CTNND2: variants seen among roughly 807,000 people sequenced by gnomAD.
CTNND2 encodes the protein catenin delta-2.
In CTNND2, 22 loss-of-function variants were observed where a neutral mutation model predicts 144.4. The ratio of observed to expected loss-of-function variants is 0.15; its 90% CI spans 0.11 to 0.22. CTNND2 has a LOEUF of 0.22. Ranked by LOEUF, CTNND2 falls within the 10% of genes least tolerant of loss-of-function variation. The pLI is 1.00. For synonymous variants in CTNND2, 751 were observed against 695.6 expected (o/e 1.08, Z -1.25); for missense variants, 1,353 against 1,618.8 (o/e 0.84, Z 2.82).
At chr5:11,081,652 C>CTTTA (rs1263408193) in intron 16 of CTNND2, among the ~76,000 whole-genome samples, 7 of 152,116 alleles carry the variant, frequency 4.6e-5, no homozygotes, top group Non-Finnish European at 8.8e-5. Context: ...ACTTTGTGTC[C>CTTTA]CATGAATGTC....
chr5:11,370,858 G>C (rs1435888682), intron 7 of CTNND2, among the ~76,000 whole-genome samples: 4 of 152,238 alleles, frequency 2.6e-5, no homozygotes, highest in Non-Finnish European at 5.9e-5. Context: ...TAATGTGTTT[G>C]TGAACAGTTC....
intron 11 of CTNND2, among the ~76,000 whole-genome samples, chr5:11,192,018 A>G (rs35081177): frequency 0.23 from 35,190 of 152,096 alleles, 5,057 homozygotes; most frequent in Non-Finnish European, 0.32. Context: ...TCTAATCCTG[A>G]TAACAAGTCC....
At chr5:11,326,652 A>T (rs56825733) in intron 9 of CTNND2, among the ~76,000 whole-genome samples, 10,217 of 152,196 alleles carry the variant, frequency 0.067, 480 homozygotes, top group African/African-American at 0.13. Flanking sequence ...GTGCCTCCAC[A>T]TCCTCATCCC....
rs148808565 is a variant in CTNND2 at position 11,463,178 on chromosome 5, T to C, written c.288-51109A>G. ...AAATAATAAGCCTACTTTTGGTATATGATACACTCTTAACACTATTCCTCA... is the reference window on the plus strand; with the variant it reads ...AAATAATAAGCCTACTTTTGGTATACGATACACTCTTAACACTATTCCTCA... On this transcript the variant is annotated intron_variant, in intron 3 of 21. Transcript: ENST00000304623. Among the ~76,000 whole-genome samples the C allele has an allele frequency of 1.0e-3, 159 of 152,350 alleles. 1 individual carries two copies. The highest frequency in any genetic ancestry group is 3.8e-3 in the African/African-American group (156 of 41,578).
At chr5:11,236,191 C>A (rs1741617198) in intron 10 of CTNND2, among the ~76,000 whole-genome samples, 1 of 152,166 alleles carries the variant, frequency 6.6e-6, no homozygotes, top group African/African-American at 2.4e-5. Context: ...ATCCATTATT[C>A]GTTTGTAAAT....
At chr5:11,600,327 T>C (rs545393329) in intron 2 of CTNND2, among the ~76,000 whole-genome samples, 31 of 152,328 alleles carry the variant, frequency 2.0e-4, no homozygotes, top group South Asian at 1.0e-3. Flanking sequence ...TTTTGTATTA[T>C]ATGTATCAAC....
chr5:11,685,603 T>C (rs1784612138), intron 2 of CTNND2, among the ~76,000 whole-genome samples: 4 of 152,186 alleles, frequency 2.6e-5, no homozygotes, highest in South Asian at 4.1e-4. Context: ...CCTTTTACTC[T>C]CTTAATATGG....
intron 1 of CTNND2, among the ~76,000 whole-genome samples, chr5:11,808,293 G>T (rs536552387): frequency 6.6e-6 from 1 of 152,196 alleles, no homozygotes; most frequent in Non-Finnish European, 1.5e-5. Flanking sequence ...GATGACGGTC[G>T]AGGAGCTGAG....
chr5:11,271,286 C>CA (rs1470496324), intron 9 of CTNND2, among the ~76,000 whole-genome samples: 1 of 152,102 alleles, frequency 6.6e-6, no homozygotes, highest in Non-Finnish European at 1.5e-5. Flanking sequence ...AAATGACTAT[C>CA]AAACATATGT....
intron 2 of CTNND2, among the ~76,000 whole-genome samples, chr5:11,709,953 T>C (rs1040401937): frequency 6.6e-6 from 1 of 152,158 alleles, no homozygotes; most frequent in Non-Finnish European, 1.5e-5. Context: ...GAAAAATGCC[T>C]TTGGTGTTCC....
At chr5:11,679,577 TAG>T (rs1330223823) in intron 2 of CTNND2, among the ~76,000 whole-genome samples, 1 of 152,214 alleles carries the variant, frequency 6.6e-6, no homozygotes, top group Non-Finnish European at 1.5e-5. Flanking sequence ...CTCAAAGCTT[TAG>T]AGTTAGTCTT....
intron 9 of CTNND2, among the ~76,000 whole-genome samples, chr5:11,238,781 T>C (rs1236141144): frequency 6.6e-6 from 1 of 152,098 alleles, no homozygotes; most frequent in Admixed American, 6.5e-5. Flanking sequence ...CAGAAAGACA[T>C]ACAGTATAAT....
intron 1 of CTNND2, among the ~76,000 whole-genome samples, chr5:11,748,471 C>G (rs1004304361): frequency 6.6e-6 from 1 of 152,028 alleles, no homozygotes; most frequent in African/African-American, 2.4e-5. Context: ...TGATCAACAA[C>G]TAATTTTAAA....
chr5:11,481,685 G>C (rs1192720169), intron 3 of CTNND2, among the ~76,000 whole-genome samples: 3 of 152,008 alleles, frequency 2.0e-5, no homozygotes, highest in African/African-American at 7.3e-5. Context: ...GAGACAGAGA[G>C]AGAGAGAGAA....
At chr5:11,148,454 T>C (rs1450091315) in intron 12 of CTNND2, among the ~76,000 whole-genome samples, 1 of 152,216 alleles carries the variant, frequency 6.6e-6, no homozygotes, top group Non-Finnish European at 1.5e-5. Flanking sequence ...CTGCTGCTAG[T>C]TCGATCTGCC....
intron 14 of CTNND2, among the ~76,000 whole-genome samples, chr5:11,101,210 ATTAAG>A (rs1193498683): frequency 1.3e-5 from 2 of 152,230 alleles, no homozygotes; most frequent in Non-Finnish European, 2.9e-5. Context: ...TCAAACTTTT[ATTAAG>A]TTAATAGGGA....
chr5:11,828,925 A>C (rs1793744122), intron 1 of CTNND2, among the ~76,000 whole-genome samples: 2 of 152,156 alleles, frequency 1.3e-5, no homozygotes, highest in South Asian at 4.1e-4. Flanking sequence ...GATATGGACA[A>C]TAAAGTCCAG....
intron 11 of CTNND2, among the ~76,000 whole-genome samples, chr5:11,188,485 A>C (rs2149811127): frequency 6.6e-6 from 1 of 152,322 alleles, no homozygotes; most frequent in Non-Finnish European, 1.5e-5. Flanking sequence ...GAGCATCAGG[A>C]AAAATAGCTA....
chr5:11,546,263 G>A (rs935570268), intron 3 of CTNND2, among the ~76,000 whole-genome samples: 3 of 145,372 alleles, frequency 2.1e-5, no homozygotes, highest in Non-Finnish European at 3.0e-5. Flanking sequence ...TGAATTGCAT[G>A]GCATTTGATT....
Sources: gnomAD v4.1 joint callset for allele counts (sites outside exome capture counted in the v4.1 genomes callset) on GRCh38, gnomAD v4.1.1 for gene constraint, MANE v1.5 for transcripts, NCBI Gene and HGNC (gene_info 2026-07-23, HGNC 2026-07-21) for gene names.